Variants in MIAT observed in about 807,000 individuals in gnomAD.
The protein encoded by MIAT is MI related novel mRNA.
chr22:26,665,302 T>C (rs778450281), intron 3 of MIAT, among the ~76,000 whole-genome samples: 18 of 121,934 alleles, frequency 1.5e-4, no homozygotes, highest in Non-Finnish European at 2.8e-4. Flanking sequence ...ACAATTAACT[T>C]TGAGTCACAC....
exon 5 of MIAT, chr22:26,675,322 G>A (rs1049893500): frequency 7.5e-6 from 3 of 398,620 alleles, no homozygotes; most frequent in African/African-American, 4.1e-5. Context: ...CAAGAGATAG[G>A]AGACATGGAC....
At chr22:26,661,705 C>T (rs777935403) in intron 2 of MIAT, among the ~76,000 whole-genome samples, 18 of 151,896 alleles carry the variant, frequency 1.2e-4, no homozygotes, top group Non-Finnish European at 2.6e-4. Flanking sequence ...TTTGTAACTA[C>T]TACACTATGC....
intron 2 of MIAT, among the ~76,000 whole-genome samples, chr22:26,655,502 G>A (rs771479671): frequency 5.9e-5 from 9 of 152,254 alleles, no homozygotes; most frequent in Admixed American, 2.0e-4. Context: ...TAAATATGTC[G>A]TGAGCCCTTA....
chr22:26,647,491 G>A (rs1930255958), intron 2 of MIAT, among the ~76,000 whole-genome samples: 1 of 151,834 alleles, frequency 6.6e-6, no homozygotes, highest in African/African-American at 2.4e-5. Flanking sequence ...AGAAGGAGCG[G>A]GGCCCCAGTC....
exon 4 of MIAT, chr22:26,666,521 G>A (rs956546430): frequency 5.0e-6 from 2 of 398,598 alleles, no homozygotes; most frequent in Admixed American, 4.4e-5. Flanking sequence ...TGTGGCAGGA[G>A]CAGAGCTGGG....
rs1930346270 is a variant in MIAT at position 26,652,121 on chromosome 22, G to A, written n.646+4810G>A. On this transcript the variant is annotated intron_variant and non_coding_transcript_variant, in intron 2 of 5. Coordinates refer to ENST00000643270, the Ensembl canonical transcript of MIAT. Reference sequence around the variant, plus strand: ...TGATCCTCTTTGCTCAGCCGTCCACGTAGCTGGGACCACAGGCACACACTA... The same window carrying A: ...TGATCCTCTTTGCTCAGCCGTCCACATAGCTGGGACCACAGGCACACACTA... Among the ~76,000 whole-genome samples the A allele has an allele frequency of 3.3e-5, 5 of 152,188 alleles. No homozygotes were observed. In the South Asian group the frequency reaches 1.0e-3, roughly 32 times the overall value.
At chr22:26,661,961 TACACACACACAC>T (rs1555948831) in intron 2 of MIAT, among the ~76,000 whole-genome samples, 2 of 44,008 alleles carry the variant, frequency 4.5e-5, no homozygotes, top group Non-Finnish European at 9.6e-5. Flanking sequence ...TATATATATA[TACACACACACAC>T]ATATACATGG....
At chr22:26,658,748 C>T (rs762831272) in intron 2 of MIAT, among the ~76,000 whole-genome samples, 1 of 152,182 alleles carries the variant, frequency 6.6e-6, no homozygotes, top group Non-Finnish European at 1.5e-5. Context: ...GCAGTGCCGC[C>T]GCGGGGAAAA....
intron 2 of MIAT, among the ~76,000 whole-genome samples, chr22:26,648,885 GAGAA>G (rs1435538512): frequency 6.6e-6 from 1 of 150,722 alleles, no homozygotes; most frequent in Non-Finnish European, 1.5e-5. Context: ...GGCCTTGAGA[GAGAA>G]AGAGAGAGAG....
chr22:26,674,880 C>G (rs1402446482), exon 5 of MIAT: 4 of 398,584 alleles, frequency 1.0e-5, no homozygotes, highest in Non-Finnish European at 1.8e-5. Flanking sequence ...GCGCTGGGAC[C>G]TGCACCTGGG....
intron 2 of MIAT, among the ~76,000 whole-genome samples, chr22:26,649,895 G>C (rs1040143792): frequency 6.6e-6 from 1 of 151,838 alleles, no homozygotes; most frequent in Non-Finnish European, 1.5e-5. Flanking sequence ...CCTGGCAACA[G>C]AGCGAGACTC....
At chr22:26,657,214 C>G (rs1203724479) in intron 2 of MIAT, 1 of 299,904 alleles carries the variant, frequency 3.3e-6, no homozygotes, top group Non-Finnish European at 6.1e-6. Flanking sequence ...GACGGGCAAG[C>G]GTTGCCATGA....
intron 2 of MIAT, among the ~76,000 whole-genome samples, chr22:26,648,926 C>CGAGA (rs1930288187): frequency 9.1e-6 from 1 of 109,322 alleles, no homozygotes; most frequent in African/African-American, 4.1e-5. Context: ...AGCGAGAGAG[C>CGAGA]GAGACAGAGA....
intron 2 of MIAT, chr22:26,657,246 G>A: frequency 2.8e-6 from 1 of 352,614 alleles, no homozygotes; most frequent in African/African-American, 2.1e-5. Context: ...GTGGGGATGC[G>A]GGAGGCTGAG....
chr22:26,650,074 C>A (rs1433573213), intron 2 of MIAT, among the ~76,000 whole-genome samples: 1 of 152,188 alleles, frequency 6.6e-6, no homozygotes, highest in Non-Finnish European at 1.5e-5. Context: ...CACTCAAATT[C>A]TTATGTTGAA....
intron 2 of MIAT, chr22:26,657,137 C>T (rs1360924571): frequency 2.1e-5 from 4 of 190,734 alleles, no homozygotes; most frequent in Non-Finnish European, 4.2e-5. Context: ...GGCTTCTGCG[C>T]CCCTGGTCCG....
At chr22:26,676,352 A>C in exon 5 of MIAT, 1 of 398,660 alleles carries the variant, frequency 2.5e-6, no homozygotes, top group East Asian at 3.6e-5. Context: ...TTCTCTGTAG[A>C]TTAAAAATCA....
rs144937484 is a variant in MIAT, at chr22:26,654,031, C to T, written n.646+6720C>T. ...CTGGGATTACAGGCGTGAGCCACCA[C>T]GGTGAGCCTCTTCCACTTGACTTTA... On this transcript the variant is annotated intron_variant and non_coding_transcript_variant, in intron 2 of 5. Transcript: ENST00000643270. Among the ~76,000 whole-genome samples the T allele has an allele frequency of 3.0e-3, 458 of 152,260 alleles. 1 individual carries two copies. The highest frequency in any genetic ancestry group is 9.2e-3 in the African/African-American group (381 of 41,558).
At position 26,647,151 on chromosome 22, in the gene MIAT, G is replaced by C. The variant is rs891044553; in HGVS notation, n.509-23G>C. The C allele has an allele frequency of 7.5e-6, 3 of 398,418 alleles. No individual in the cohort carries two copies. In the Admixed American group the frequency reaches 1.3e-4, roughly 18 times the overall value. 24.7% of individuals were successfully genotyped at this position (398,418 alleles called of 1,614,324 possible). On this transcript the variant is annotated intron_variant and non_coding_transcript_variant, in intron 1 of 5. Transcript: ENST00000643270. Reference sequence around the variant, plus strand: ...CTCAGGCAAGCCACCTTTCTTCTCTGGGTCTCTGTTCCATCTATAAAGTGC... The same window carrying C: ...CTCAGGCAAGCCACCTTTCTTCTCTCGGTCTCTGTTCCATCTATAAAGTGC...
Sources: allele counts gnomAD v4.1 joint callset (sites outside exome capture counted in the v4.1 genomes callset), GRCh38; gene constraint gnomAD v4.1.1; transcripts MANE v1.5; gene names NCBI Gene and HGNC (gene_info 2026-07-23, HGNC 2026-07-21).